WDR88: variants seen among roughly 807,000 people sequenced by gnomAD.
The protein encoded by WDR88 is WD repeat domain 88, also known as WD repeat-containing protein 88.
A neutral mutation model predicts 46.8 loss-of-function variants in WDR88; 40 were observed. The ratio of observed to expected loss-of-function variants is 0.86; its 90% CI spans 0.66 to 1.11. WDR88 has a LOEUF of 1.11. Among genes scored for constraint, WDR88 ranks in the 50% most tolerant of loss-of-function variants. The probability of loss-of-function intolerance (pLI) is 0.00; values close to 1 mark genes in which losing one functional copy is unlikely to be tolerated. For missense variants in WDR88, 562 were observed against 602.4 expected (o/e 0.93, Z 0.70); for synonymous variants, 235 against 240.7 (o/e 0.98, Z 0.22).
intron 9 of WDR88, among the ~76,000 whole-genome samples, chr19:33,170,157 G>T (rs1421805945): frequency 1.3e-5 from 2 of 151,264 alleles, no homozygotes; most frequent in African/African-American, 4.9e-5. Flanking sequence ...GATTACAGGC[G>T]TGAGCCACTG....
chr19:33,175,515 A>G lies in WDR88; in HGVS notation c.1362A>G (p.Ser454=), dbSNP rs778340384. ...GCTTGCCAGCAGATACTTCATCGTCATCATCATCATCGGAAAGGGAGAACT... is the reference window on the plus strand; with the variant it reads ...GCTTGCCAGCAGATACTTCATCGTCGTCATCATCATCGGAAAGGGAGAACT... ...TRGLPADTSS[S]SSSSERENSP... is the part of the protein sequence containing the mutation. Residue 454 remains serine (S), a synonymous_variant, in exon 11 of 11, where the codon TCA becomes TCG. Transcript: ENST00000355868. The G allele has an allele frequency of 6.2e-7, 1 of 1,613,322 alleles. No individual in the cohort carries two copies.
intron 9 of WDR88, among the ~76,000 whole-genome samples, chr19:33,167,905 A>G (rs905473958): frequency 1.3e-5 from 2 of 148,462 alleles, no homozygotes; most frequent in East Asian, 2.0e-4. Context: ...CCCGGTAGAA[A>G]CGGGATTTCA....
At position 33,160,500 on chromosome 19, in the gene WDR88, C is replaced by G; in HGVS notation, c.1080+4C>G. ...CTACCGGAAGCTCTCTTTGAAGGTA[C>G]ATGTGGCCAGCATGAGATTGAGGAT... On this transcript the variant is annotated splice_donor_region_variant and intron_variant, in intron 8 of 10. Transcript: ENST00000355868. 4 of 1,614,100 alleles carry G rather than the reference C, an allele frequency of 2.5e-6. No homozygotes were observed. The highest frequency in any genetic ancestry group is 3.4e-6 in the Non-Finnish European group (4 of 1,179,970).
At chr19:33,174,546 T>C in intron 10 of WDR88, 1 of 984,750 alleles carries the variant, frequency 1.0e-6, no homozygotes, top group South Asian at 4.7e-5. Flanking sequence ...CAGTGTACTC[T>C]GTGAGCTTTG....
intron 10 of WDR88, chr19:33,174,759 C>T (rs1049591952): frequency 1.1e-4 from 112 of 985,294 alleles, no homozygotes; most frequent in Non-Finnish European, 1.2e-4. Context: ...ACACTCACCC[C>T]CATCCTCCCA....
At position 33,156,561 on chromosome 19, in the gene WDR88, G is replaced by T; in HGVS notation, c.997+19G>T. The T allele has an allele frequency of 6.2e-7, 1 of 1,605,816 alleles. No homozygotes were observed. Among genetic ancestry groups the T allele is most frequent in the South Asian group, 1.1e-5 (1 of 90,442 alleles). On this transcript the variant is annotated intron_variant, in intron 7 of 10. Coordinates refer to ENST00000355868, the MANE Select transcript of WDR88 (RefSeq NM_173479.4). ...AGAGACAGTGAGTAATTAACATGCA[G>T]AAGGCCTCCATTCCTGTGGGAGTGC... is the stretch of plus-strand genomic sequence containing the variant.
rs146562379 is a variant in WDR88 at position 33,148,809 on chromosome 19, A to T, written c.578A>T (p.Lys193Met). 1.1e-5 allele frequency: 17 copies of T among 1,613,942 alleles called. No homozygotes were observed. Among genetic ancestry groups the T allele is most frequent in the Non-Finnish European group, 1.4e-5 (17 of 1,180,008 alleles). ...TATGATACCTTCATCGTCTCCTGTA[A>T]GTTTTCTCCTGATGGTAAATACGTG... The part of the protein sequence containing the change: ...VRYDTFIVSC[K>M]FSPDGKYVVS... The change falls in exon 5 of 11, where the codon AAG (lysine) becomes ATG (methionine). Residue 193 changes from lysine (K) to methionine (M), a missense_variant. Lys to Met is a moderately conservative substitution (Grantham distance 95). Coordinates refer to ENST00000355868, the MANE Select transcript of WDR88 (RefSeq NM_173479.4).
chr19:33,160,280 C>A (rs1973843000), intron 7 of WDR88, 134 bp from the exon 8 acceptor site: 2 of 858,414 alleles, frequency 2.3e-6, no homozygotes, highest in Non-Finnish European at 3.9e-6. Context: ...GGTCGTGGAG[C>A]CACTCCAGGA....
In WDR88 at chr19:33,144,848, C is replaced by T. The variant is rs778138509; in HGVS notation, c.392C>T (p.Pro131Leu). ...SYDCTVKLWD[P>L]VDGSVVRDFE... ...TCTCTCTCCCGTTGATTTGAGGATCCGGTGGACGGTTCTGTGGTTCGCGAT... is the reference window on the plus strand; with the variant it reads ...TCTCTCTCCCGTTGATTTGAGGATCTGGTGGACGGTTCTGTGGTTCGCGAT... The change falls in exon 3 of 11, where the codon CCG becomes CTG. Residue 131 changes from proline (P) to leucine (L), a missense_variant. By Grantham distance (98) the Pro-to-Leu change is moderately conservative. Coordinates refer to ENST00000355868, the MANE Select transcript of WDR88 (RefSeq NM_173479.4). The T allele has an allele frequency of 6.2e-6, 10 of 1,613,324 alleles. No individual in the cohort carries two copies. Among genetic ancestry groups the T allele is most frequent in the Middle Eastern group, 1.6e-4 (1 of 6,084 alleles).
At position 33,148,904 on chromosome 19, in the gene WDR88, A is replaced by C; in HGVS notation, c.673A>C (p.Ile225Leu). ...CGAGAACATCACCACCGTTTCCGTC[A>C]TCAAAGGTGAGGGTGTGCGGGCTCC... ...DAENITTVSVIKDHHTRSITS... is the reference protein window; with the variant it reads ...DAENITTVSVLKDHHTRSITS... The change falls in exon 5 of 11, where the codon ATC (isoleucine) becomes CTC (leucine). Residue 225 changes from isoleucine to leucine, a missense_variant. Physicochemically the swap from Ile to Leu is conservative, Grantham distance 5 (BLOSUM62 2). Transcript: ENST00000355868. The C allele has an allele frequency of 6.2e-7, 1 of 1,614,102 alleles. No individual in the cohort carries two copies. The highest frequency in any genetic ancestry group is 8.5e-7 in the Non-Finnish European group (1 of 1,180,014).
In WDR88 at chr19:33,132,360, A is replaced by T; in HGVS notation, c.191A>T (p.Asp64Val). The change falls in exon 1 of 11, where the codon GAC becomes GTC. Residue 64 changes from aspartate to valine, a missense_variant. Physicochemically the swap from Asp to Val is radical, Grantham distance 152. Transcript: ENST00000355868. Reference sequence around the variant, plus strand: ...GCCACCCTCGACCCCCTGGCCTTGGACAGGGAACCACCACCGCATCTGTTG... The same window carrying T: ...GCCACCCTCGACCCCCTGGCCTTGGTCAGGGAACCACCACCGCATCTGTTG... ...LLATLDPLAL[D>V]REPPPHLLPE... 2 of 1,613,996 alleles carry T rather than the reference A, an allele frequency of 1.2e-6. No individual in the cohort carries two copies. The highest frequency in any genetic ancestry group is 2.2e-5 in the South Asian group (2 of 91,078).
chr19:33,151,034 A>T, intron 5 of WDR88, 147 bp from the exon 6 acceptor site: 1 of 940,478 alleles, frequency 1.1e-6, no homozygotes, highest in Non-Finnish European at 1.6e-6. Flanking sequence ...CATAGTAGTC[A>T]CTCAGGAATG....
At position 33,172,394 on chromosome 19, in the gene WDR88, C is replaced by T; in HGVS notation, c.1196C>T (p.Pro399Leu). 1 of 1,613,976 alleles carries T rather than the reference C, an allele frequency of 6.2e-7. No individual in the cohort carries two copies. ...AATATTGAAGAAATTGATGAAATTC[C>T]TTTGGTAATCAAGTACAAAAAGGCC... Reference protein sequence around the residue: ...LWNIEEIDEIPLVIKYKKAVG... With the variant: ...LWNIEEIDEILLVIKYKKAVG... Residue 399 changes from proline to leucine, a missense_variant, in exon 10 of 11, where the codon CCT becomes CTT. Pro to Leu is a moderately conservative substitution (Grantham distance 98). Transcript: ENST00000355868.
At chr19:33,174,977 G>A in intron 10 of WDR88, 1 of 985,422 alleles carries the variant, frequency 1.0e-6, no homozygotes, top group Non-Finnish European at 1.2e-6. Flanking sequence ...GCTCACGCCT[G>A]TAATCCCAGC....
chr19:33,157,539 A>ATATATG (rs1568367331), intron 7 of WDR88, among the ~76,000 whole-genome samples: 2 of 102,050 alleles, frequency 2.0e-5, no homozygotes, highest in Non-Finnish European at 3.4e-5. Flanking sequence ...ATATATATAT[A>ATATATG]TGTATATATA....
At chr19:33,163,359 G>A (rs556577529) in intron 8 of WDR88, among the ~76,000 whole-genome samples, 3 of 151,690 alleles carry the variant, frequency 2.0e-5, no homozygotes, top group African/African-American at 7.3e-5. Flanking sequence ...AGCTGGGCAT[G>A]GTGATGGGCA....
intron 6 of WDR88, among the ~76,000 whole-genome samples, chr19:33,152,574 G>A (rs1316439930): frequency 4.6e-5 from 7 of 152,178 alleles, no homozygotes; most frequent in Admixed American, 2.0e-4. Flanking sequence ...CATCTGTGTT[G>A]TAGCCTGCAT....
chr19:33,171,294 A>G (rs2145425350), intron 9 of WDR88, among the ~76,000 whole-genome samples: 1 of 152,270 alleles, frequency 6.6e-6, no homozygotes, highest in South Asian at 2.1e-4. Context: ...CTTGAAACTA[A>G]CTTTTGAATT....
chr19:33,138,542 T>TCACCA (rs1465565012), intron 2 of WDR88, among the ~76,000 whole-genome samples: 5 of 152,082 alleles, frequency 3.3e-5, no homozygotes, highest in African/African-American at 1.2e-4. Flanking sequence ...AGACAGAGTT[T>TCACCA]CACCACGTTA....
Sources: gnomAD v4.1 joint callset for allele counts (sites outside exome capture counted in the v4.1 genomes callset) on GRCh38, gnomAD v4.1.1 for gene constraint, MANE v1.5 for transcripts, NCBI Gene and HGNC (gene_info 2026-07-23, HGNC 2026-07-21) for gene names.